USP42: variants seen among roughly 807,000 people sequenced by gnomAD.
USP42 encodes the protein ubiquitin specific peptidase 42, also known as ubiquitin carboxyl-terminal hydrolase 42.
Under a neutral mutation model 113.0 loss-of-function variants are expected in USP42, and 23 were observed. The observed-to-expected ratio is 0.20, with a 90% CI of 0.15 to 0.29. USP42 has a LOEUF of 0.29. Among genes scored for constraint, USP42 ranks in the 10% least tolerant of loss-of-function variants. The probability of loss-of-function intolerance (pLI) is 1.00; values close to 1 mark genes in which losing one functional copy is unlikely to be tolerated. For missense variants in USP42, 2,174 were observed against 1,779.8 expected (o/e 1.22, Z -3.99); for synonymous variants, 933 against 699.0 (o/e 1.33, Z -5.28).
At chr7:6,085,892 C>T in the USP42 span, among the ~76,000 whole-genome samples, 5 of 150,984 alleles carry the variant, frequency 3.3e-5, no homozygotes, top group Non-Finnish European at 7.4e-5. Context: ...GGATTACAGG[C>T]GTGAGCCACC....
upstream of USP42, among the ~76,000 whole-genome samples, chr7:6,103,170 A>G (rs753312819): frequency 1.9e-4 from 28 of 151,194 alleles, no homozygotes; most frequent in Non-Finnish European, 3.4e-4. Context: ...GAGACAGCCA[A>G]TAAATGATTG....
Position 6,150,027 on chromosome 7 carries a change from T to C in USP42, c.1831T>C (p.Ser611Pro). 2.5e-6 allele frequency: 4 copies of C among 1,612,506 alleles called. No homozygotes were observed. The highest frequency in any genetic ancestry group is 3.4e-6 in the Non-Finnish European group (4 of 1,179,212). ...SSVLVPYGAE[S>P]SEDSDEESKG... ...CGTGCTGGTGCCCTATGGCGCCGAG[T>C]CCTCTGAGGACTCTGACGAGGAGTC... The change falls in exon 13 of 18, where the codon TCC (serine) becomes CCC (proline). Residue 611 changes from serine to proline, a missense_variant. Coordinates refer to ENST00000306177, the MANE Select transcript of USP42 (RefSeq NM_032172.3).
chr7:6,143,069 G>T (rs896557439), intron 8 of USP42, 55 bp downstream of exon 8: 1 of 1,585,370 alleles, frequency 6.3e-7, no homozygotes, highest in Non-Finnish European at 8.7e-7. Flanking sequence ...GGGGATGGCC[G>T]GCAGGCTTGG....
At chr7:6,149,532 G>A (rs149231408) in intron 12 of USP42, 51 bp from the exon 13 acceptor site, 84 of 1,549,418 alleles carry the variant, frequency 5.4e-5, no homozygotes, top group Non-Finnish European at 6.7e-5. Context: ...GGTTCTGTTT[G>A]TGTGACCATG....
chr7:6,153,130 G>C, intron 14 of USP42: 1 of 172,280 alleles, frequency 5.8e-6, no homozygotes, highest in Non-Finnish European at 1.2e-5. Context: ...AATATCAGCT[G>C]GGCATGGTGG....
intron 3 of USP42, among the ~76,000 whole-genome samples, chr7:6,119,816 G>A (rs78878035): frequency 0.05 from 7,649 of 151,980 alleles, 447 homozygotes; most frequent in East Asian, 0.27. Flanking sequence ...GGATCCCCTT[G>A]CCTCAGCCTC....
Position 6,154,785 on chromosome 7 carries a change from C to T in USP42, c.3231C>T (p.Phe1077=), listed in dbSNP as rs537102434. 6 of 1,549,314 alleles carry T rather than the reference C, an allele frequency of 3.9e-6. No homozygotes were observed. The South Asian group carries it at 4.8e-5, about 12-fold the overall frequency. The part of the protein sequence containing the change: ...ALYAARDWKP[F]HGGREHERAG... ...ACGCTGCCCGGGACTGGAAGCCCTTCCACGGCGGCCGCGAGCACGAGCGGG... is the reference window on the plus strand; with the variant it reads ...ACGCTGCCCGGGACTGGAAGCCCTTTCACGGCGGCCGCGAGCACGAGCGGG... Residue 1077 remains phenylalanine, a synonymous_variant, in exon 15 of 18, where the codon TTC becomes TTT. Coordinates refer to ENST00000306177, the MANE Select transcript of USP42 (RefSeq NM_032172.3).
chr7:6,153,143 G>A (rs1782168558), intron 14 of USP42: 1 of 162,304 alleles, frequency 6.2e-6, no homozygotes, highest in African/African-American at 2.4e-5. Context: ...CATGGTGGTG[G>A]GCACCTGTAA....
chr7:6,149,168 C>T (rs116454726), intron 12 of USP42, among the ~76,000 whole-genome samples: 266 of 152,250 alleles, frequency 1.7e-3, no homozygotes, highest in African/African-American at 6.1e-3. Context: ...GCAGCCCCTA[C>T]TCTCCGCCCA....
the USP42 span, among the ~76,000 whole-genome samples, chr7:6,093,799 G>T: frequency 1.3e-5 from 2 of 149,004 alleles, no homozygotes; most frequent in Non-Finnish European, 1.5e-5. Flanking sequence ...TTTCTTCTTT[G>T]TTTTTTTCAT....
At chr7:6,094,539 C>A in the USP42 span, among the ~76,000 whole-genome samples, 7 of 151,278 alleles carry the variant, frequency 4.6e-5, no homozygotes, top group East Asian at 1.4e-3. Context: ...GAGTGGGTAG[C>A]GGTGGAATTA....
chr7:6,159,913 C>A lies in USP42; in HGVS notation c.*36+420C>A, dbSNP rs1168311121. Among the ~76,000 whole-genome samples, 1 of 152,236 alleles carries A rather than the reference C, an allele frequency of 6.6e-6. No individual in the cohort carries two copies. The highest frequency in any genetic ancestry group is 1.5e-5 in the Non-Finnish European group (1 of 68,038). ...CTCGTCCGTCCCGTCCCCTGTGCTG[C>A]TGTCTGCGCCCCGAGGTGGCACTGA... On this transcript the variant is annotated intron_variant, in intron 17 of 17. Transcript: ENST00000306177. This position sits in a 1 kb window ranked among gnomAD's most constrained non-coding sequence, Gnocchi z 4.1.
Position 6,155,122 on chromosome 7 carries a change from C to G in USP42, c.3568C>G (p.Pro1190Ala), listed in dbSNP as rs969790709. The G allele has an allele frequency of 2.6e-6, 4 of 1,555,850 alleles. No homozygotes were observed. Among genetic ancestry groups the G allele is most frequent in the Admixed American group, 2.0e-5 (1 of 50,928 alleles). Reference protein sequence around the residue: ...RSEQKDPLEEPKAKKHKKSKK... With the variant: ...RSEQKDPLEEAKAKKHKKSKK... ...CGAACAGAAGGATCCTCTAGAAGAGCCTAAAGCAAAGAAGCACAAAAAATC... is the reference window on the plus strand; with the variant it reads ...CGAACAGAAGGATCCTCTAGAAGAGGCTAAAGCAAAGAAGCACAAAAAATC... Residue 1190 changes from proline to alanine, a missense_variant, in exon 15 of 18, where the codon CCT becomes GCT. Transcript: ENST00000306177.
Position 6,157,416 on chromosome 7 carries a change from A to T in USP42, c.3943+361A>T. 1 of 975,126 alleles carries T rather than the reference A, an allele frequency of 1.0e-6. No homozygotes were observed. Among genetic ancestry groups the T allele is most frequent in the Non-Finnish European group, 1.2e-6 (1 of 820,424 alleles). The allele number at this position is 975,126 out of a possible 1,614,324, so 60.4% of individuals were successfully genotyped here. On this transcript the variant is annotated intron_variant, in intron 16 of 17. Transcript: ENST00000306177. This position sits in a 1 kb window ranked among gnomAD's most constrained non-coding sequence, Gnocchi z 4.1. Reference sequence around the variant, plus strand: ...TTTATTTTATTTATTTTATTTTTTGAGACGGAGTCTTGCTCTATTGCCCAG... The same window carrying T: ...TTTATTTTATTTATTTTATTTTTTGTGACGGAGTCTTGCTCTATTGCCCAG...
chr7:6,104,477 G>T (rs1264473506), upstream of USP42, among the ~76,000 whole-genome samples: 2 of 152,274 alleles, frequency 1.3e-5, no homozygotes, highest in African/African-American at 4.8e-5. Context: ...CGAAGCGGAG[G>T]ATTTCTCGGA....
intron 3 of USP42, among the ~76,000 whole-genome samples, chr7:6,133,742 A>T (rs1489098766): frequency 2.6e-5 from 4 of 151,578 alleles, no homozygotes; most frequent in Non-Finnish European, 5.9e-5. Context: ...CTGGTGTCAA[A>T]CTCCTGGGCT....
At chr7:6,101,233 C>T (rs903598756), upstream of USP42, among the ~76,000 whole-genome samples, 3 of 150,852 alleles carry the variant, frequency 2.0e-5, no homozygotes, top group Non-Finnish European at 2.9e-5. Flanking sequence ...TGGAAGCATC[C>T]GCCAGTAAGG....
chr7:6,144,170 A>G lies in USP42; in HGVS notation c.964A>G (p.Asn322Asp), dbSNP rs764334859. The G allele has an allele frequency of 6.3e-7, 1 of 1,595,000 alleles. No individual in the cohort carries two copies. Among genetic ancestry groups the G allele is most frequent in the Non-Finnish European group, 8.5e-7 (1 of 1,174,146 alleles). ...VLTLSLKRFA[N>D]FTGGKIAKDV... is the part of the protein sequence containing the mutation. ...TACACTTTCTCTGAAACGTTTTGCA[A>G]ATTTTACCGGTGGAAAAATTGCTAA... The change falls in exon 9 of 18, where the codon AAT becomes GAT. Residue 322 changes from asparagine to aspartate, a missense_variant. By Grantham distance (23) the Asn-to-Asp change is conservative. Transcript: ENST00000306177.
At position 6,154,517 on chromosome 7, in the gene USP42, G is replaced by A. The variant is rs901566228; in HGVS notation, c.2963G>A (p.Arg988His). 1.9e-6 allele frequency: 3 copies of A among 1,540,918 alleles called. No homozygotes were observed. Among genetic ancestry groups the A allele is most frequent in the Non-Finnish European group, 2.6e-6 (3 of 1,143,634 alleles). ...CGGCGCCGCACCTGCCCCCGGGAGC[G>A]CGACCGCCAGGACCGCCACGCCCCG... ...HRRRRTCPRERDRQDRHAPEH... is the reference protein window; with the variant it reads ...HRRRRTCPREHDRQDRHAPEH... Residue 988 changes from arginine (R) to histidine (H), a missense_variant, in exon 15 of 18, where the codon CGC (arginine) becomes CAC (histidine). Physicochemically the swap from Arg to His is conservative, Grantham distance 29 (BLOSUM62 0). Coordinates refer to ENST00000306177, the MANE Select transcript of USP42 (RefSeq NM_032172.3).
Sources: allele counts gnomAD v4.1 joint callset (sites outside exome capture counted in the v4.1 genomes callset), GRCh38; gene constraint gnomAD v4.1.1; non-coding constraint Gnocchi (gnomAD v3.1); transcripts MANE v1.5; gene names NCBI Gene and HGNC (gene_info 2026-07-23, HGNC 2026-07-21).